DNAJC3: variants seen among roughly 807,000 people sequenced by gnomAD.
DNAJC3 encodes dnaJ homolog subfamily C member 3.
A neutral mutation model predicts 68.6 loss-of-function variants in DNAJC3; 38 were observed. That is an observed-to-expected ratio of 0.55 (90% CI 0.43 to 0.73). The LOEUF is 0.73. DNAJC3 is among the 30% of genes least tolerant of loss of function. DNAJC3 has a pLI of 0.00. For missense variants in DNAJC3, 526 were observed against 591.9 expected, an observed-to-expected ratio of 0.89 and a Z score of 1.16; for synonymous variants, 203 against 204.0, an observed-to-expected ratio of 1.00 and a Z score of 0.04.
chr13:95,719,549 T>C (rs1172855721), intron 2 of DNAJC3, among the ~76,000 whole-genome samples: 1 of 152,178 alleles, frequency 6.6e-6, no homozygotes, highest in African/African-American at 2.4e-5. Flanking sequence ...AGTGCCCAGC[T>C]GGTGCCCAGC....
At chr13:95,689,285 T>G (rs1880164766) in intron 1 of DNAJC3, among the ~76,000 whole-genome samples, 1 of 151,954 alleles carries the variant, frequency 6.6e-6, no homozygotes, top group African/African-American at 2.4e-5. Flanking sequence ...TTGCTCATTA[T>G]TGGTCTATTC....
chr13:95,745,886 C>CT (rs1423184826), intron 4 of DNAJC3: 2 of 152,162 alleles, frequency 1.3e-5, no homozygotes, highest in African/African-American at 4.8e-5. Context: ...TTAGATTTGA[C>CT]TTTGTACTTC....
chr13:95,693,759 A>G (rs1880350281), intron 1 of DNAJC3: 1 of 152,146 alleles, frequency 6.6e-6, no homozygotes, highest in Admixed American at 6.5e-5. Flanking sequence ...ATATACTGGA[A>G]TTTTACTCAA....
At chr13:95,773,948 G>T (rs1167221649) in intron 9 of DNAJC3, among the ~76,000 whole-genome samples, 1 of 151,690 alleles carries the variant, frequency 6.6e-6, no homozygotes, top group African/African-American at 2.4e-5. Context: ...TGTTGGCCAG[G>T]ATGGTCTCGA....
chr13:95,691,825 G>A (rs1880272434), intron 1 of DNAJC3, among the ~76,000 whole-genome samples: 1 of 152,240 alleles, frequency 6.6e-6, no homozygotes, highest in Non-Finnish European at 1.5e-5. Flanking sequence ...GGCGGAGGCT[G>A]GCGGATCACT....
At chr13:95,684,716 G>T (rs1880025245) in intron 1 of DNAJC3, among the ~76,000 whole-genome samples, 1 of 152,190 alleles carries the variant, frequency 6.6e-6, no homozygotes, top group Non-Finnish European at 1.5e-5. Context: ...AGTTTCCTGG[G>T]CCAGGGCCCT....
chr13:95,723,786 C>T (rs1881421340), intron 3 of DNAJC3, among the ~76,000 whole-genome samples: 1 of 152,110 alleles, frequency 6.6e-6, no homozygotes, highest in Non-Finnish European at 1.5e-5. Flanking sequence ...TTTGTGGTGA[C>T]AATAAAATGC....
intron 9 of DNAJC3, among the ~76,000 whole-genome samples, chr13:95,766,811 C>T (rs1883005549): frequency 6.6e-6 from 1 of 152,000 alleles, no homozygotes; most frequent in Non-Finnish European, 1.5e-5. Flanking sequence ...AGCAATTCTC[C>T]TGCCTCAGCC....
chr13:95,688,934 GTGT>G (rs1566466663), intron 1 of DNAJC3, among the ~76,000 whole-genome samples: 1 of 134,550 alleles, frequency 7.4e-6, no homozygotes, highest in Non-Finnish European at 1.7e-5. Context: ...GTGGGTGTGT[GTGT>G]GTGTGTGTGT....
intron 1 of DNAJC3, among the ~76,000 whole-genome samples, chr13:95,681,591 C>T (rs1412390678): frequency 6.6e-6 from 1 of 152,146 alleles, no homozygotes; most frequent in Non-Finnish European, 1.5e-5. Flanking sequence ...TGGGCTCAAG[C>T]AATCCTCATC....
At chr13:95,763,353 C>G (rs1420996567) in intron 7 of DNAJC3, among the ~76,000 whole-genome samples, 1 of 152,192 alleles carries the variant, frequency 6.6e-6, no homozygotes, top group Non-Finnish European at 1.5e-5. Context: ...GAATTCTGAG[C>G]AATGTTTCTG....
At chr13:95,726,136 C>A (rs1334637287) in intron 4 of DNAJC3, among the ~76,000 whole-genome samples, 1 of 151,776 alleles carries the variant, frequency 6.6e-6, no homozygotes, top group Admixed American at 6.6e-5. Flanking sequence ...AATAAACATA[C>A]GTGTGCATGT....
chr13:95,752,519 G>T (rs17885683), intron 4 of DNAJC3, among the ~76,000 whole-genome samples: 2,594 of 152,244 alleles, frequency 0.017, 74 homozygotes, highest in African/African-American at 0.059. Context: ...AGATATGCAG[G>T]TAGAAAAGGA....
At chr13:95,740,583 G>A (rs1444384535) in intron 4 of DNAJC3, among the ~76,000 whole-genome samples, 1 of 152,070 alleles carries the variant, frequency 6.6e-6, no homozygotes, top group Non-Finnish European at 1.5e-5. Context: ...TCCAGGTGCT[G>A]TCCGTCACCC....
At chr13:95,765,567 GTTTTTTTTTT>G (rs1024972959) in intron 9 of DNAJC3, among the ~76,000 whole-genome samples, 3 of 102,336 alleles carry the variant, frequency 2.9e-5, no homozygotes, top group South Asian at 6.4e-4. Context: ...TAATTGATCT[GTTTTTTTTTT>G]TTTTTTTTTT....
At chr13:95,687,681 A>G (rs969397627) in intron 1 of DNAJC3, among the ~76,000 whole-genome samples, 1 of 152,156 alleles carries the variant, frequency 6.6e-6, no homozygotes, top group Admixed American at 6.5e-5. Context: ...CTGTAGCCTT[A>G]TAGTATAGTG....
intron 4 of DNAJC3, chr13:95,743,048 T>C (rs551747093): frequency 1.4e-5 from 5 of 362,826 alleles, no homozygotes; most frequent in African/African-American, 1.1e-4. Flanking sequence ...GTTTCTTTCA[T>C]TGAATTGCTT....
At chr13:95,749,933 C>A (rs369398770) in intron 4 of DNAJC3, among the ~76,000 whole-genome samples, 1 of 152,088 alleles carries the variant, frequency 6.6e-6, no homozygotes, top group African/African-American at 2.4e-5. Flanking sequence ...GCCTGTAGTC[C>A]CAGCTACTCG....
At chr13:95,746,005 T>C (rs889429701) in intron 4 of DNAJC3, among the ~76,000 whole-genome samples, 1 of 152,186 alleles carries the variant, frequency 6.6e-6, no homozygotes, top group Non-Finnish European at 1.5e-5. Flanking sequence ...AGTCTCAGTT[T>C]ACAGCAGAGG....
Sources: gnomAD v4.1 joint callset for allele counts (sites outside exome capture counted in the v4.1 genomes callset) on GRCh38, gnomAD v4.1.1 for gene constraint, MANE v1.5 for transcripts, NCBI Gene and HGNC (gene_info 2026-07-23, HGNC 2026-07-21) for gene names.